Variants in DTNA observed in about 807,000 individuals in gnomAD.
DTNA encodes the protein dystrophin-related protein 3.
DTNA carries 43 observed loss-of-function variants against 100.7 expected under a neutral mutation model. The observed-to-expected ratio is 0.43, with a 90% CI of 0.33 to 0.55. The LOEUF is 0.55. DTNA is among the 20% of genes least tolerant of loss of function. The pLI is 0.04. For synonymous variants in DTNA, 349 were observed against 347.9 expected, an observed-to-expected ratio of 1.00 and a Z score of -0.04; for missense variants, 798 against 953.9, an observed-to-expected ratio of 0.84 and a Z score of 2.15.
intron 1 of DTNA, among the ~76,000 whole-genome samples, chr18:34,625,031 G>A (rs2057115387): frequency 6.7e-6 from 1 of 149,822 alleles, no homozygotes; most frequent in South Asian, 2.1e-4. Flanking sequence ...ACCACAGCCA[G>A]TTAATTTTTT....
At chr18:34,526,976 A>G (rs1329306625) in intron 1 of DTNA, among the ~76,000 whole-genome samples, 1 of 152,134 alleles carries the variant, frequency 6.6e-6, no homozygotes, top group Non-Finnish European at 1.5e-5. Context: ...ACAGACACTG[A>G]AATCTTAGGC....
At chr18:34,697,320 C>G (rs916712024) in intron 1 of DTNA, among the ~76,000 whole-genome samples, 1 of 152,198 alleles carries the variant, frequency 6.6e-6, no homozygotes, top group Admixed American at 6.5e-5. Context: ...GATTAGTTTC[C>G]TCAAGCCAAC....
chr18:34,593,433 A>G (rs2049965282), intron 1 of DTNA: 1 of 152,198 alleles, frequency 6.6e-6, no homozygotes, highest in Non-Finnish European at 1.5e-5. Context: ...GTAATTACCA[A>G]TTTGGTTCAA....
intron 1 of DTNA, among the ~76,000 whole-genome samples, chr18:34,587,314 A>G (rs1354204512): frequency 6.6e-6 from 1 of 152,140 alleles, no homozygotes; most frequent in Non-Finnish European, 1.5e-5. Context: ...GGTGAGTTTA[A>G]TTTAGGAGAA....
At chr18:34,555,603 A>T (rs1221007686) in intron 1 of DTNA, among the ~76,000 whole-genome samples, 1 of 152,096 alleles carries the variant, frequency 6.6e-6, no homozygotes, top group African/African-American at 2.4e-5. Flanking sequence ...TTCAAAGAAC[A>T]TCTTTATTTC....
intron 1 of DTNA, among the ~76,000 whole-genome samples, chr18:34,650,697 T>C (rs1408231197): frequency 6.6e-6 from 1 of 152,176 alleles, no homozygotes; most frequent in East Asian, 1.9e-4. Context: ...AATTGGATGT[T>C]CTGTCCTAAT....
chr18:34,549,871 T>A (rs2045217230), intron 1 of DTNA, among the ~76,000 whole-genome samples: 1 of 152,106 alleles, frequency 6.6e-6, no homozygotes, highest in Non-Finnish European at 1.5e-5. Context: ...TTGAAACTGA[T>A]CTGGTGATTT....
intron 8 of DTNA, among the ~76,000 whole-genome samples, chr18:34,820,085 A>G (rs962303147): frequency 7.3e-5 from 11 of 151,614 alleles, no homozygotes; most frequent in Non-Finnish European, 1.5e-4. Flanking sequence ...ATCAGGATAA[A>G]TTTCCCAACA....
At chr18:34,711,594 G>T (rs957055500) in intron 1 of DTNA, among the ~76,000 whole-genome samples, 3 of 152,144 alleles carry the variant, frequency 2.0e-5, no homozygotes, top group African/African-American at 7.2e-5. Context: ...AATCAATTAT[G>T]TGCCCTTAAT....
intron 1 of DTNA, among the ~76,000 whole-genome samples, chr18:34,609,418 G>A (rs2147457569): frequency 6.6e-6 from 1 of 151,828 alleles, no homozygotes; most frequent in African/African-American, 2.4e-5. Flanking sequence ...CTAATTTTTT[G>A]TATTTTTAGT....
At chr18:34,541,164 T>C (rs2044208483) in intron 1 of DTNA, among the ~76,000 whole-genome samples, 1 of 152,078 alleles carries the variant, frequency 6.6e-6, no homozygotes. Context: ...CTATAAAAAG[T>C]TTAGTTTTGA....
At position 34,882,604 on chromosome 18, in the gene DTNA, G is replaced by A. The variant is rs535925747; in HGVS notation, c.2295+403G>A. ...AGGCCAGTCTTGAACTCCTGACCTC[G>A]CGATCCACCCACCTCAGCCTCCCAA... On this transcript the variant is annotated intron_variant, in intron 21 of 22. Transcript: ENST00000444659. Among the ~76,000 whole-genome samples, 12 of 152,014 alleles carry A rather than the reference G, an allele frequency of 7.9e-5. No homozygotes were observed. The East Asian group carries it at 1.6e-3, about 20-fold the overall frequency.
chr18:34,588,031 A>C (rs1200257572), intron 1 of DTNA, among the ~76,000 whole-genome samples: 1 of 152,162 alleles, frequency 6.6e-6, no homozygotes, highest in East Asian at 1.9e-4. Flanking sequence ...ATGATCCAGA[A>C]AGTTTGTATA....
At chr18:34,849,063 T>C (rs1303677170) in intron 14 of DTNA, among the ~76,000 whole-genome samples, 1 of 152,218 alleles carries the variant, frequency 6.6e-6, no homozygotes, top group African/African-American at 2.4e-5. Context: ...AGTTGCTCTC[T>C]GTGACATCCG....
At chr18:34,616,711 T>A (rs1267199114) in intron 1 of DTNA, among the ~76,000 whole-genome samples, 1 of 152,222 alleles carries the variant, frequency 6.6e-6, no homozygotes, top group Non-Finnish European at 1.5e-5. Flanking sequence ...TAAATTGCTT[T>A]GAGCAATATG....
At chr18:34,803,367 G>A (rs1370317432) in intron 4 of DTNA, among the ~76,000 whole-genome samples, 1 of 151,498 alleles carries the variant, frequency 6.6e-6, no homozygotes, top group Non-Finnish European at 1.5e-5. Flanking sequence ...TCCATTTCCA[G>A]GAACAATACA....
intron 5 of DTNA, among the ~76,000 whole-genome samples, chr18:34,809,369 A>C (rs1176734273): frequency 6.6e-6 from 1 of 152,162 alleles, no homozygotes; most frequent in Admixed American, 6.5e-5. Context: ...AGGCAGGAGA[A>C]TCACTTGAAC....
chr18:34,803,832 G>C (rs1368218119), intron 4 of DTNA, among the ~76,000 whole-genome samples: 3 of 152,158 alleles, frequency 2.0e-5, no homozygotes, highest in African/African-American at 7.2e-5. Flanking sequence ...ATAACTCACT[G>C]AGTGGATGGA....
At chr18:34,588,920 A>C (rs1357163) in intron 1 of DTNA, among the ~76,000 whole-genome samples, 15,541 of 151,688 alleles carry the variant, frequency 0.1, 1,154 homozygotes, top group African/African-American at 0.2. Flanking sequence ...TGTTTTTTAT[A>C]AAAACTATCA....
Sources: gnomAD v4.1 joint callset for allele counts (sites outside exome capture counted in the v4.1 genomes callset) on GRCh38, gnomAD v4.1.1 for gene constraint, MANE v1.5 for transcripts, NCBI Gene and HGNC (gene_info 2026-07-23, HGNC 2026-07-21) for gene names.